The following CR1 variants were observed in gnomAD, a reference collection of about 807,000 sequenced individuals.
CR1 encodes complement receptor type 1.
In CR1, 116 loss-of-function variants were observed where a neutral mutation model predicts 187.3. The observed-to-expected ratio is 0.62, with a 90% CI of 0.53 to 0.72. CR1 has a LOEUF of 0.72. Ranked by LOEUF, CR1 falls within the 30% of genes least tolerant of loss-of-function variation. The probability of loss-of-function intolerance (pLI) is 0.00; values close to 1 mark genes in which losing one functional copy is unlikely to be tolerated. For missense variants in CR1, 1,731 were observed against 2,110.7 expected, an observed-to-expected ratio of 0.82 and a Z score of 3.52; for synonymous variants, 576 against 747.1, an observed-to-expected ratio of 0.77 and a Z score of 3.73.
rs754422784 is a variant in CR1 at position 207,575,642 on chromosome 1, A to G, written c.4499A>G (p.Asn1500Ser). 3.1e-6 allele frequency: 5 copies of G among 1,611,816 alleles called. No individual in the cohort carries two copies. The highest frequency in any genetic ancestry group is 1.3e-5 in the African/African-American group (1 of 74,976). ...HSSAECILSG[N>S]TAHWSTKPPI... ...TCTGCTGAATGTATCCTCTCAGGCA[A>G]TACTGCCCATTGGAGCACGAAGCCG... Residue 1500 changes from asparagine to serine, a missense_variant, in exon 28 of 47, where the codon AAT (asparagine) becomes AGT (serine). Asn to Ser is a conservative substitution (Grantham distance 46). Transcript: ENST00000367049.
rs145502282 is a variant in CR1, at chr1:207,580,660, G to A, written c.5216+47G>A. 107 of 1,505,060 alleles carry A rather than the reference G, an allele frequency of 7.1e-5. No homozygotes were observed. In the African/African-American group the frequency reaches 1.4e-3, roughly 20 times the overall value. The allele number at this position is 1,505,060 out of a possible 1,614,324, so 93.2% of individuals were successfully genotyped here. ...GATCAGGGACTCAGCACTGCAGAGT[G>A]ACTCTTGAGCTTAAGGATCAATCCA... On this transcript the variant is annotated intron_variant, in intron 31 of 46. Transcript: ENST00000367049.
In CR1 at chr1:207,523,788, T is replaced by G; in HGVS notation, c.665T>G (p.Val222Gly). 1 of 1,611,914 alleles carries G rather than the reference T, an allele frequency of 6.2e-7. No homozygotes were observed. Among genetic ancestry groups the G allele is most frequent in the Non-Finnish European group, 8.5e-7 (1 of 1,179,750 alleles). ...TACTGCACCAGCAATGACGATCAAG[T>G]GGGCATCTGGAGCGGCCCCGCCCCT... ...SIYCTSNDDQ[V>G]GIWSGPAPQC... Residue 222 changes from valine to glycine, a missense_variant, in exon 5 of 47, where the codon GTG (valine) becomes GGG (glycine). Transcript: ENST00000367049.
At chr1:207,525,833 A>G (rs1660150894) in intron 5 of CR1, among the ~76,000 whole-genome samples, 1 of 152,034 alleles carries the variant, frequency 6.6e-6, no homozygotes, top group Non-Finnish European at 1.5e-5. Flanking sequence ...GAAAATGGAC[A>G]TTACAGCATC....
intron 29 of CR1, among the ~76,000 whole-genome samples, chr1:207,578,666 C>A (rs1462868725): frequency 1.3e-5 from 2 of 152,202 alleles, no homozygotes; most frequent in Admixed American, 6.5e-5. Context: ...ATGTTCTAAG[C>A]GAGACACCCA....
chr1:207,501,007 TA>T lies in CR1; in HGVS notation c.121+4628del, dbSNP rs55928911. On this transcript the variant is annotated intron_variant, in intron 1 of 46. Transcript: ENST00000367049. Reference sequence around the variant, plus strand: ...ATTATGCTGTGTGAAGGCTAAACCATAAAAAAAAACCTGAGTGATTTCCTTT... The same window carrying T: ...ATTATGCTGTGTGAAGGCTAAACCATAAAAAAAACCTGAGTGATTTCCTTT... Among the ~76,000 whole-genome samples, 1,037 of 151,204 alleles carry T rather than the reference TA, an allele frequency of 6.9e-3. 15 individuals carry two copies. The highest frequency in any genetic ancestry group is 0.023 in the African/African-American group (931 of 41,312).
chr1:207,641,552 A>G lies in CR1; in HGVS notation c.*2143A>G, dbSNP rs1413530377. On this transcript the variant is annotated 3_prime_UTR_variant, in exon 47 of 47. Coordinates refer to ENST00000367049, the MANE Select transcript of CR1 (RefSeq NM_000651.6). ...ATTGCCTAACTTGTATTATTAAGCAATTCTGCTAACCTGTGACCTTACATT... is the reference window on the plus strand; with the variant it reads ...ATTGCCTAACTTGTATTATTAAGCAGTTCTGCTAACCTGTGACCTTACATT... 1 of 152,210 alleles carries G rather than the reference A, an allele frequency of 6.6e-6. No individual in the cohort carries two copies. Among genetic ancestry groups the G allele is most frequent in the Non-Finnish European group, 1.5e-5 (1 of 68,032 alleles). The allele number at this position is 152,210 out of a possible 1,614,324, so 9.4% of individuals were successfully genotyped here.
intron 45 of CR1, among the ~76,000 whole-genome samples, chr1:207,626,220 T>C (rs1006382170): frequency 6.6e-6 from 1 of 152,240 alleles, no homozygotes; most frequent in Non-Finnish European, 1.5e-5. Context: ...GGTTTCAGCA[T>C]AGTGAGTGCA....
intron 28 of CR1, among the ~76,000 whole-genome samples, chr1:207,576,321 A>G (rs1192470588): frequency 3.9e-5 from 6 of 152,264 alleles, no homozygotes; most frequent in Admixed American, 6.5e-5. Context: ...GCACTGCCCT[A>G]CAGTAGAGTA....
intron 4 of CR1, 66 bp downstream of exon 4, chr1:207,511,720 A>G: frequency 6.8e-7 from 1 of 1,478,858 alleles, no homozygotes; most frequent in East Asian, 2.3e-5. Flanking sequence ...GGAATAATAA[A>G]AATCTTAACT....
At chr1:207,599,617 C>T (rs565099439) in intron 35 of CR1, among the ~76,000 whole-genome samples, 85 of 152,274 alleles carry the variant, frequency 5.6e-4, no homozygotes, top group Non-Finnish European at 1.1e-3. Flanking sequence ...AAGACGTCTA[C>T]TATGAACTAT....
chr1:207,498,215 C>T (rs1292095778), intron 1 of CR1, among the ~76,000 whole-genome samples: 4 of 152,104 alleles, frequency 2.6e-5, no homozygotes, highest in Non-Finnish European at 5.9e-5. Flanking sequence ...TCTGAAAACC[C>T]CCATGCATGT....
intron 46 of CR1, among the ~76,000 whole-genome samples, chr1:207,635,308 G>C (rs935167483): frequency 6.6e-6 from 1 of 152,106 alleles, no homozygotes; most frequent in African/African-American, 2.4e-5. Flanking sequence ...GGTGTTTCTC[G>C]GAGAGGGGGA....
chr1:207,573,369 C>A (rs572729124), intron 27 of CR1, among the ~76,000 whole-genome samples: 1 of 152,260 alleles, frequency 6.6e-6, no homozygotes, highest in South Asian at 2.1e-4. Context: ...TAGAATAAAT[C>A]CGATGTCTCC....
At chr1:207,630,725 A>T in intron 46 of CR1, 104 bp downstream of exon 46, 1 of 653,394 alleles carries the variant, frequency 1.5e-6, no homozygotes, top group South Asian at 3.2e-5. Flanking sequence ...CATTGATACC[A>T]AAGAATTTAG....
At position 207,517,249 on chromosome 1, in the gene CR1, T is replaced by A. The variant is rs1659834461; in HGVS notation, c.487+5595T>A. On this transcript the variant is annotated intron_variant, in intron 4 of 46. Transcript: ENST00000367049. ...TAAACCTATGTTGCTTGTGATGTGT[T>A]ATAGATGATTATCCTATGTATGGGG... Among the ~76,000 whole-genome samples the A allele has an allele frequency of 1.3e-5, 2 of 152,112 alleles. 1 individual carries two copies. Among genetic ancestry groups the A allele is most frequent in the South Asian group, 4.1e-4 (2 of 4,832 alleles).
chr1:207,634,042 G>A (rs1015923568), intron 46 of CR1, among the ~76,000 whole-genome samples: 5 of 152,058 alleles, frequency 3.3e-5, no homozygotes, highest in African/African-American at 9.7e-5. Flanking sequence ...GGCAAGGACC[G>A]GCCATTTACA....
At position 207,622,992 on chromosome 1, in the gene CR1, G is replaced by A. The variant is rs1227226011; in HGVS notation, c.7277-1G>A. ...TTTAATTACCTTGTTTTACTGCCTA[G>A]GCACTTTATCTGGTACGATCTTCTT... is the stretch of plus-strand genomic sequence containing the variant. On this transcript the variant is annotated splice_acceptor_variant, in intron 44 of 46. Transcript: ENST00000367049. LOFTEE classifies it high-confidence loss of function. 1.9e-6 allele frequency: 3 copies of A among 1,566,932 alleles called. No individual in the cohort carries two copies. Among genetic ancestry groups the A allele is most frequent in the Non-Finnish European group, 2.6e-6 (3 of 1,152,306 alleles).
Position 207,564,006 on chromosome 1 carries a change from G to T in CR1, c.3729G>T (p.Gln1243His). ...CTGCGTCTATGCGCTGCACACCCCAGGGAGACTGGAGCCCTGCAGCCCCCA... is the reference window on the plus strand; with the variant it reads ...CTGCGTCTATGCGCTGCACACCCCATGGAGACTGGAGCCCTGCAGCCCCCA... ...RGAASMRCTP[Q>H]GDWSPAAPTC... The change falls in exon 22 of 47, where the codon CAG becomes CAT. Residue 1243 changes from glutamine (Q) to histidine (H), a missense_variant. Transcript: ENST00000367049. The T allele has an allele frequency of 1.3e-6, 2 of 1,525,224 alleles. No homozygotes were observed. The allele number at this position is 1,525,224 out of a possible 1,614,324, so 94.5% of individuals were successfully genotyped here. A position where few individuals can be genotyped will look rare whatever the true frequency, so the allele number is the denominator to read the frequency against.
At position 207,575,827 on chromosome 1, in the gene CR1, A is replaced by G. The variant is rs1024792217; in HGVS notation, c.4537+147A>G. ...TAGTCATATCCTTAAAATGGCTCAC[A>G]GCATTCCAAACTTCCGCCTTCACCT... is the stretch of plus-strand genomic sequence containing the variant. On this transcript the variant is annotated intron_variant, in intron 28 of 46. Transcript: ENST00000367049. The G allele has an allele frequency of 3.8e-6, 5 of 1,325,936 alleles. No homozygotes were observed. In the Admixed American group the frequency reaches 1.0e-4, roughly 27 times the overall value. 82.1% of individuals were successfully genotyped at this position (1,325,936 alleles called of 1,614,324 possible). A position where few individuals can be genotyped will look rare whatever the true frequency, so the allele number is the denominator to read the frequency against.
Sources: allele counts gnomAD v4.1 joint callset (sites outside exome capture counted in the v4.1 genomes callset), GRCh38; gene constraint gnomAD v4.1.1; transcripts MANE v1.5; gene names NCBI Gene and HGNC (gene_info 2026-07-23, HGNC 2026-07-21).